Variants in PPP2R5A observed in about 807,000 individuals in gnomAD.
PPP2R5A encodes the protein serine/threonine-protein phosphatase 2A 56 kDa regulatory subunit alpha isoform.
Under a neutral mutation model 64.2 loss-of-function variants are expected in PPP2R5A, and 25 were observed. That is an observed-to-expected ratio of 0.39 (90% CI 0.28 to 0.54). The LOEUF is 0.54. PPP2R5A is among the 20% of genes least tolerant of loss of function. The pLI is 0.67. For missense variants in PPP2R5A, 425 were observed against 576.3 expected (o/e 0.74, Z 2.69); for synonymous variants, 198 against 201.2 (o/e 0.98, Z 0.13).
rs763800389 is a variant in PPP2R5A at position 212,324,424 on chromosome 1, A to G, written c.182-4711A>G. On this transcript the variant is annotated intron_variant, in intron 1 of 12. Coordinates refer to ENST00000261461, the MANE Select transcript of PPP2R5A (RefSeq NM_006243.4). ...CATGACTGTATTTTCCAATCCTGAA[A>G]GTCATTTTGTGTCTTCTTTTTTGCT... Among the ~76,000 whole-genome samples, 46 of 152,150 alleles carry G rather than the reference A, an allele frequency of 3.0e-4. 2 individuals are homozygous for G. Among genetic ancestry groups the G allele is most frequent in the Admixed American group, 1.3e-4 (2 of 15,276 alleles).
At chr1:212,336,678 A>G (rs1659598759) in intron 3 of PPP2R5A, among the ~76,000 whole-genome samples, 1 of 152,238 alleles carries the variant, frequency 6.6e-6, no homozygotes, top group African/African-American at 2.4e-5. Flanking sequence ...TAGCTACGTT[A>G]TTAATCATCT....
intron 1 of PPP2R5A, among the ~76,000 whole-genome samples, chr1:212,322,166 GGGGAGACCGTGGAAAGAGAGGGAGA>G (rs1453581900): frequency 2.0e-5 from 3 of 150,202 alleles, no homozygotes; most frequent in East Asian, 3.9e-4. Context: ...TCAGCATCAG[GGGGAGACCGTGGAAAGAGAGGGAGA>G]GGGAGACCGT....
intron 1 of PPP2R5A, among the ~76,000 whole-genome samples, chr1:212,287,028 C>T (rs1443454252): frequency 6.6e-6 from 1 of 152,106 alleles, no homozygotes; most frequent in Non-Finnish European, 1.5e-5. Context: ...GCTTTGCAGT[C>T]GAATGGGAAC....
chr1:212,303,330 C>G (rs1418958371), intron 1 of PPP2R5A, among the ~76,000 whole-genome samples: 1 of 152,182 alleles, frequency 6.6e-6, no homozygotes, highest in Non-Finnish European at 1.5e-5. Flanking sequence ...TTGCATTTCC[C>G]TAATTACTAA....
chr1:212,291,192 C>T (rs999243679), intron 1 of PPP2R5A, among the ~76,000 whole-genome samples: 3 of 152,046 alleles, frequency 2.0e-5, no homozygotes, highest in African/African-American at 7.2e-5. Context: ...CTCACTGCCA[C>T]CTCTGCCTCC....
chr1:212,333,647 G>A, intron 3 of PPP2R5A, 49 bp downstream of exon 3: 1 of 1,085,420 alleles, frequency 9.2e-7, no homozygotes, highest in Admixed American at 2.8e-5. Context: ...ATGCTATTCT[G>A]CAGAAATCAT....
At chr1:212,360,021 C>T (rs185504776) in intron 12 of PPP2R5A, among the ~76,000 whole-genome samples, 39 of 152,258 alleles carry the variant, frequency 2.6e-4, no homozygotes, top group Middle Eastern at 3.4e-3. Context: ...TGGAGCCTTT[C>T]AGAATAGACA....
chr1:212,339,837 A>G (rs915585083), intron 3 of PPP2R5A, among the ~76,000 whole-genome samples: 2 of 152,080 alleles, frequency 1.3e-5, no homozygotes, highest in African/African-American at 2.4e-5. Context: ...GGGAGAGTAA[A>G]TAGGCTAATG....
intron 1 of PPP2R5A, among the ~76,000 whole-genome samples, chr1:212,314,001 GAATAT>G (rs1256838426): frequency 1.3e-5 from 2 of 152,166 alleles, no homozygotes. Flanking sequence ...TCTCATCCAT[GAATAT>G]AATATATCTC....
chr1:212,313,171 T>C (rs1277657311), intron 1 of PPP2R5A, among the ~76,000 whole-genome samples: 1 of 152,234 alleles, frequency 6.6e-6, no homozygotes, highest in Non-Finnish European at 1.5e-5. Flanking sequence ...GCTGGTGCGA[T>C]TGTGGGGCTT....
intron 1 of PPP2R5A, among the ~76,000 whole-genome samples, chr1:212,317,477 A>G (rs1489858346): frequency 2.8e-5 from 4 of 145,086 alleles, no homozygotes; most frequent in African/African-American, 1.0e-4. Context: ...ACTGTAAAGC[A>G]GTGGTTTTCA....
At position 212,329,235 on chromosome 1, in the gene PPP2R5A, A is replaced by G. The variant is rs1325613476; in HGVS notation, c.282A>G (p.Lys94=). ...ACTCTGTTTCAGACTTGAAGAGCAA[A>G]GAAATTAAAAGAGCAACACTGAATG... ...FMDSVSDLKS[K]EIKRATLNEL... Residue 94 remains lysine, a synonymous_variant, in exon 2 of 13, where the codon AAA becomes AAG. Transcript: ENST00000261461. 6.2e-7 allele frequency: 1 copy of G among 1,613,700 alleles called. No individual in the cohort carries two copies.
intron 3 of PPP2R5A, among the ~76,000 whole-genome samples, chr1:212,337,057 CAATGGAAT>C (rs1659603381): frequency 1.3e-5 from 2 of 151,900 alleles, no homozygotes; most frequent in African/African-American, 4.8e-5. Flanking sequence ...TACTAATGAG[CAATGGAAT>C]AATGGAATAA....
rs766364145 is a variant in PPP2R5A, at chr1:212,360,651, G to A, written c.1342G>A (p.Glu448Lys). 16 of 1,567,160 alleles carry A rather than the reference G, an allele frequency of 1.0e-5. No individual in the cohort carries two copies. Among genetic ancestry groups the A allele is most frequent in the Middle Eastern group, 1.8e-4 (1 of 5,486 alleles). Residue 448 changes from glutamate (E) to lysine (K), a missense_variant, in exon 13 of 13, where the codon GAA (glutamate) becomes AAA (lysine). Physicochemically the swap from Glu to Lys is moderately conservative, Grantham distance 56. This residue lies in a region of PPP2R5A where 177 missense variants were observed against 244.8 expected (regional missense o/e 0.72). Coordinates refer to ENST00000261461, the MANE Select transcript of PPP2R5A (RefSeq NM_006243.4). ...GTTTATCTACAGAGAGAAAAAGAAGGAATTGGAACGTGAAGAATTATGGAA... is the reference window on the plus strand; with the variant it reads ...GTTTATCTACAGAGAGAAAAAGAAGAAATTGGAACGTGAAGAATTATGGAA... ...KAERQREKKKELEREELWKKL... is the reference protein window; with the variant it reads ...KAERQREKKKKLEREELWKKL...
chr1:212,326,432 A>T (rs113464483), intron 1 of PPP2R5A, among the ~76,000 whole-genome samples: 17,405 of 151,612 alleles, frequency 0.11, 1,450 homozygotes, highest in Non-Finnish European at 0.17. Flanking sequence ...CATCTCTATT[A>T]AAAAAAATAC....
At chr1:212,315,229 G>A (rs1201295755) in intron 1 of PPP2R5A, among the ~76,000 whole-genome samples, 1 of 152,144 alleles carries the variant, frequency 6.6e-6, no homozygotes, top group Non-Finnish European at 1.5e-5. Flanking sequence ...TGGAGAATTT[G>A]TATTTGTATT....
intron 3 of PPP2R5A, among the ~76,000 whole-genome samples, chr1:212,340,552 C>T (rs763984484): frequency 2.0e-5 from 3 of 152,144 alleles, no homozygotes; most frequent in Admixed American, 6.6e-5. Context: ...TCTTTTTGCA[C>T]GTGTATACCC....
intron 1 of PPP2R5A, among the ~76,000 whole-genome samples, chr1:212,308,058 C>T (rs1658954153): frequency 6.6e-6 from 1 of 152,138 alleles, no homozygotes; most frequent in African/African-American, 2.4e-5. Context: ...AACTGTTGCC[C>T]AGGCTGATCT....
chr1:212,298,848 TC>T (rs1658743457), intron 1 of PPP2R5A, among the ~76,000 whole-genome samples: 1 of 34,306 alleles, frequency 2.9e-5, no homozygotes, highest in Non-Finnish European at 5.2e-5. Flanking sequence ...GCCCCTCACC[TC>T]CCGGACGGGG....
Sources: gnomAD v4.1 joint callset for allele counts (sites outside exome capture counted in the v4.1 genomes callset) on GRCh38, gnomAD v4.1.1 for gene constraint, gnomAD v4.1.1 regional missense constraint, MANE v1.5 for transcripts, NCBI Gene and HGNC (gene_info 2026-07-23, HGNC 2026-07-21) for gene names.